TIGIT: variants seen among roughly 807,000 people sequenced by gnomAD.
TIGIT encodes T-cell immunoreceptor with Ig and ITIM domains.
Under a neutral mutation model 19.6 loss-of-function variants are expected in TIGIT, and 11 were observed. The observed-to-expected ratio is 0.56, with a 90% CI of 0.35 to 0.93. The LOEUF is 0.93. Ranked by LOEUF, TIGIT falls within the 40% of genes least tolerant of loss-of-function variation. The probability of loss-of-function intolerance (pLI) is 0.01; values close to 1 mark genes in which losing one functional copy is unlikely to be tolerated. For missense variants in TIGIT, 295 were observed against 303.9 expected (o/e 0.97, Z 0.22); for synonymous variants, 130 against 125.5 (o/e 1.04, Z -0.24).
chr3:114,303,529 GTATATA>G (rs1309447921), intron 3 of TIGIT, among the ~76,000 whole-genome samples: 1 of 9,592 alleles, frequency 1.0e-4, no homozygotes, highest in Non-Finnish European at 4.4e-4. Context: ...ACATATATAT[GTATATA>G]TATACACATA....
At chr3:114,301,604 A>G (rs968219527) in intron 3 of TIGIT, among the ~76,000 whole-genome samples, 1 of 152,240 alleles carries the variant, frequency 6.6e-6, no homozygotes. Context: ...AAGGAGCTGA[A>G]CAACTTTTCC....
In TIGIT at chr3:114,295,453, G is replaced by A; in HGVS notation, c.62-92G>A. ...GGAGAAACTATCATTCCAAAATCCAGTTGGGGCCTCAAAGGCCCTTAGAAT... is the reference window on the plus strand; with the variant it reads ...GGAGAAACTATCATTCCAAAATCCAATTGGGGCCTCAAAGGCCCTTAGAAT... On this transcript the variant is annotated intron_variant, in intron 1 of 3. Transcript: ENST00000383671. 8.5e-6 allele frequency: 8 copies of A among 938,894 alleles called. No homozygotes were observed. In the South Asian group the frequency reaches 1.3e-4, roughly 15 times the overall value. The allele number at this position is 938,894 out of a possible 1,614,324, so 58.2% of individuals were successfully genotyped here.
intron 3 of TIGIT, among the ~76,000 whole-genome samples, chr3:114,304,396 T>C (rs1432802660): frequency 6.6e-6 from 1 of 152,258 alleles, no homozygotes; most frequent in Non-Finnish European, 1.5e-5. Flanking sequence ...CTGAGCATTT[T>C]GTTCCCCTTT....
chr3:114,298,249 G>C (rs985507854), intron 2 of TIGIT, among the ~76,000 whole-genome samples: 3 of 152,130 alleles, frequency 2.0e-5, no homozygotes, highest in African/African-American at 7.2e-5. Flanking sequence ...ACTGTGAATG[G>C]AGACATTGGT....
intron 2 of TIGIT, chr3:114,296,080 A>T (rs772032500): frequency 7.2e-5 from 38 of 525,694 alleles, no homozygotes; most frequent in Non-Finnish European, 1.1e-4. Context: ...GTAAGGTCTA[A>T]AAGCATTTCC....
Position 114,295,831 on chromosome 3 carries a change from G to A in TIGIT, c.348G>A (p.Gly116=). ...GCATCTATCACACCTACCCTGATGG[G>A]ACGTACACTGGGAGAATCTTCCTGG... The part of the protein sequence containing the change: ...YFCIYHTYPD[G]TYTGRIFLEV... The change falls in exon 2 of 4, where the codon GGG becomes GGA. Residue 116 remains glycine, a synonymous_variant. Coordinates refer to ENST00000383671, the MANE Select transcript of TIGIT (RefSeq NM_173799.4). The A allele has an allele frequency of 1.2e-6, 2 of 1,610,832 alleles. No individual in the cohort carries two copies. Among genetic ancestry groups the A allele is most frequent in the South Asian group, 2.2e-5 (2 of 90,948 alleles).
chr3:114,305,499 A>G (rs2078526764), intron 3 of TIGIT, among the ~76,000 whole-genome samples: 1 of 152,200 alleles, frequency 6.6e-6, no homozygotes, highest in African/African-American at 2.4e-5. Context: ...CAGCATGGAT[A>G]TGGTCTCAGC....
At position 114,301,457 on chromosome 3, in the gene TIGIT, G is replaced by A. The variant is rs147643818; in HGVS notation, c.498+1754G>A. ...GAAGGTGAGGACAAGAGAAATGATT[G>A]AATAGAGGGGGGAGGTGAAGAAGAT... On this transcript the variant is annotated intron_variant, in intron 3 of 3. Transcript: ENST00000383671. Among the ~76,000 whole-genome samples the A allele has an allele frequency of 6.9e-3, 1,045 of 152,316 alleles. 7 individuals carry two copies. The highest frequency in any genetic ancestry group is 0.024 in the African/African-American group (995 of 41,568).
Position 114,308,658 on chromosome 3 carries a change from A to C in TIGIT, c.*527A>C, listed in dbSNP as rs2078551738. 1 of 153,450 alleles carries C rather than the reference A, an allele frequency of 6.5e-6. No individual in the cohort carries two copies. Among genetic ancestry groups the C allele is most frequent in the African/African-American group, 2.4e-5 (1 of 41,462 alleles). 9.5% of individuals were successfully genotyped at this position (153,450 alleles called of 1,614,324 possible). ...ATCTGCCCTCAAGAACTTACAGTTA[A>C]ATGGGGAGACAATGTTGTCATGAAA... On this transcript the variant is annotated 3_prime_UTR_variant, in exon 4 of 4. Transcript: ENST00000383671.
intron 3 of TIGIT, among the ~76,000 whole-genome samples, chr3:114,303,779 C>A (rs1436641697): frequency 6.6e-6 from 1 of 151,586 alleles, no homozygotes; most frequent in African/African-American, 2.4e-5. Flanking sequence ...GGATAGATAC[C>A]CAGTAGTGGG....
At chr3:114,303,029 C>T (rs939838437) in intron 3 of TIGIT, among the ~76,000 whole-genome samples, 5 of 152,194 alleles carry the variant, frequency 3.3e-5, no homozygotes, top group African/African-American at 9.7e-5. Context: ...GACTATGACT[C>T]TGTTCCAACA....
chr3:114,296,900 T>C (rs1354064104), intron 2 of TIGIT, among the ~76,000 whole-genome samples: 3 of 91,074 alleles, frequency 3.3e-5, no homozygotes, highest in African/African-American at 1.2e-4. Flanking sequence ...CTTTTTTTTT[T>C]TTTTTTTTTT....
chr3:114,303,575 A>ATATATATATATACATATATATG (rs1560033603), intron 3 of TIGIT, among the ~76,000 whole-genome samples: 44 of 5,012 alleles, frequency 8.8e-3, no homozygotes, highest in African/African-American at 0.014. Context: ...ATATATATGT[A>ATATATATATATACATATATATG]TATATATATA....
In TIGIT at chr3:114,298,415, A is replaced by G. The variant is rs183777684; in HGVS notation, c.392-1182A>G. ...CCTCAACATGCTTTTCACTCCATCTATCTTCATCTGTCCCCAAGGTGTAAG... is the reference window on the plus strand; with the variant it reads ...CCTCAACATGCTTTTCACTCCATCTGTCTTCATCTGTCCCCAAGGTGTAAG... On this transcript the variant is annotated intron_variant, in intron 2 of 3. Transcript: ENST00000383671. Among the ~76,000 whole-genome samples, 1,303 of 152,284 alleles carry G rather than the reference A, an allele frequency of 8.6e-3. 17 individuals are homozygous for G. The highest frequency in any genetic ancestry group is 0.011 in the Non-Finnish European group (726 of 68,018).
At position 114,294,136 on chromosome 3, in the gene TIGIT, C is replaced by T; in HGVS notation, c.61+14C>T. Reference sequence around the variant, plus strand: ...CCCTCGCCTCAGGTAAGGCCTGAAACCCAGCAGAGCAGCAGGGAGGAAAAA... The same window carrying T: ...CCCTCGCCTCAGGTAAGGCCTGAAATCCAGCAGAGCAGCAGGGAGGAAAAA... On this transcript the variant is annotated intron_variant, in intron 1 of 3. Coordinates refer to ENST00000383671, the MANE Select transcript of TIGIT (RefSeq NM_173799.4). 6.5e-7 allele frequency: 1 copy of T among 1,546,436 alleles called. No individual in the cohort carries two copies. The highest frequency in any genetic ancestry group is 1.4e-5 in the African/African-American group (1 of 73,052).
At chr3:114,305,130 A>G (rs2078522226) in intron 3 of TIGIT, among the ~76,000 whole-genome samples, 1 of 151,890 alleles carries the variant, frequency 6.6e-6, no homozygotes, top group Admixed American at 6.6e-5. Flanking sequence ...GAGTCCTAAT[A>G]TTAACTATTA....
At chr3:114,299,451 A>G (rs1427106818) in intron 2 of TIGIT, 146 bp from the exon 3 acceptor site, 3 of 612,736 alleles carry the variant, frequency 4.9e-6, no homozygotes, top group Non-Finnish European at 8.9e-6. Context: ...TGCTGTTCAA[A>G]GTGTTGGGCT....
intron 3 of TIGIT, among the ~76,000 whole-genome samples, chr3:114,304,948 C>G (rs1291400562): frequency 6.6e-6 from 1 of 152,148 alleles, no homozygotes; most frequent in Non-Finnish European, 1.5e-5. Flanking sequence ...CTTTAAAGTC[C>G]TGTCCCTCTT....
At chr3:114,297,651 A>T (rs1315968777) in intron 2 of TIGIT, among the ~76,000 whole-genome samples, 1 of 152,162 alleles carries the variant, frequency 6.6e-6, no homozygotes, top group Non-Finnish European at 1.5e-5. Flanking sequence ...CTGGTTGCTA[A>T]TCTCCAGGCC....
Sources: gnomAD v4.1 joint callset for allele counts (sites outside exome capture counted in the v4.1 genomes callset) on GRCh38, gnomAD v4.1.1 for gene constraint, MANE v1.5 for transcripts, NCBI Gene and HGNC (gene_info 2026-07-23, HGNC 2026-07-21) for gene names.